CTNNA2: variants seen among roughly 807,000 people sequenced by gnomAD.
The protein encoded by CTNNA2 is catenin alpha 2.
In CTNNA2, 42 loss-of-function variants were observed where a neutral mutation model predicts 101.0. That is an observed-to-expected ratio of 0.42 (90% CI 0.32 to 0.54). The LOEUF (loss-of-function observed/expected upper bound fraction) is 0.54. Among genes scored for constraint, CTNNA2 ranks in the 20% least tolerant of loss-of-function variants. The pLI is 0.14. For synonymous variants in CTNNA2, 450 were observed against 456.4 expected (o/e 0.99, Z 0.18); for missense variants, 871 against 1,223.1 (o/e 0.71, Z 4.29).
chr2:79,943,979 G>A (rs1295559014), intron 7 of CTNNA2, among the ~76,000 whole-genome samples: 2 of 152,104 alleles, frequency 1.3e-5, no homozygotes, highest in East Asian at 3.9e-4. Context: ...TTGAGAATGA[G>A]TTCACCCATT....
intron 1 of CTNNA2, among the ~76,000 whole-genome samples, chr2:79,627,869 T>C (rs919559893): frequency 8.5e-5 from 13 of 152,184 alleles, no homozygotes; most frequent in African/African-American, 2.7e-4. Flanking sequence ...AAAGTATACT[T>C]TTCAAAACAG....
At chr2:80,569,867 CTCCTGACCTCGTGA>C (rs1430990619) in intron 12 of CTNNA2, among the ~76,000 whole-genome samples, 2 of 151,716 alleles carry the variant, frequency 1.3e-5, no homozygotes, top group Admixed American at 6.6e-5. Context: ...TGGTCTCGAT[CTCCTGACCTCGTGA>C]TCCACCCTCC....
chr2:80,622,616 A>G (rs1671244580), intron 18 of CTNNA2, among the ~76,000 whole-genome samples: 1 of 151,886 alleles, frequency 6.6e-6, no homozygotes, highest in Admixed American at 6.6e-5. Flanking sequence ...GGAATAGGTT[A>G]TTGATTTGGG....
At chr2:79,929,522 C>G (rs1687245532) in intron 7 of CTNNA2, among the ~76,000 whole-genome samples, 1 of 152,232 alleles carries the variant, frequency 6.6e-6, no homozygotes, top group African/African-American at 2.4e-5. Context: ...AGTTCTCTCT[C>G]ACTGGATTGT....
chr2:79,411,860 A>G (rs1678415801), intron 4 of CTNNA2, among the ~76,000 whole-genome samples: 1 of 152,130 alleles, frequency 6.6e-6, no homozygotes, highest in Non-Finnish European at 1.5e-5. Flanking sequence ...TAACCAGCTA[A>G]CATCATAATG....
chr2:79,619,270 T>G (rs1374343398), intron 1 of CTNNA2, among the ~76,000 whole-genome samples: 1 of 152,142 alleles, frequency 6.6e-6, no homozygotes, highest in African/African-American at 2.4e-5. Flanking sequence ...TATTCTATCC[T>G]TATGTGGTGG....
At chr2:80,086,516 T>A (rs1273877350) in intron 7 of CTNNA2, among the ~76,000 whole-genome samples, 1 of 151,992 alleles carries the variant, frequency 6.6e-6, no homozygotes, top group Non-Finnish European at 1.5e-5. Context: ...ATATGTGGAA[T>A]CAAAATTTGG....
chr2:79,914,261 A>C (rs1686029411), intron 7 of CTNNA2, among the ~76,000 whole-genome samples: 1 of 151,686 alleles, frequency 6.6e-6, no homozygotes. Context: ...GTTAAGTAGA[A>C]AAATTTTGTT....
At chr2:79,364,681 A>G (rs999850646) in intron 3 of CTNNA2, among the ~76,000 whole-genome samples, 5 of 152,162 alleles carry the variant, frequency 3.3e-5, no homozygotes, top group African/African-American at 9.7e-5. Flanking sequence ...AATCTTATCT[A>G]GGCTTCACTG....
chr2:79,370,640 T>C (rs568584870), intron 3 of CTNNA2, among the ~76,000 whole-genome samples: 35 of 152,284 alleles, frequency 2.3e-4, no homozygotes, highest in South Asian at 1.2e-3. Context: ...TTTTTTTTTT[T>C]CTGAGGCATA....
At chr2:80,510,458 A>G (rs1187595283) in intron 9 of CTNNA2, among the ~76,000 whole-genome samples, 1 of 152,208 alleles carries the variant, frequency 6.6e-6, no homozygotes, top group Non-Finnish European at 1.5e-5. Flanking sequence ...CCTGCCTGTC[A>G]GATTCTAAAT....
intron 18 of CTNNA2, among the ~76,000 whole-genome samples, chr2:80,626,014 T>C (rs1671648490): frequency 6.6e-6 from 1 of 152,086 alleles, no homozygotes; most frequent in African/African-American, 2.4e-5. Context: ...ATTAGTAATT[T>C]ATTGTAAAAA....
intron 1 of CTNNA2, among the ~76,000 whole-genome samples, chr2:79,564,854 G>C (rs1271688697): frequency 6.6e-6 from 1 of 151,984 alleles, no homozygotes. Context: ...GTGCTATTAA[G>C]AGCTATTAGC....
chr2:80,365,031 T>C (rs1674788997), intron 7 of CTNNA2, among the ~76,000 whole-genome samples: 2 of 152,160 alleles, frequency 1.3e-5, no homozygotes, highest in African/African-American at 2.4e-5. Context: ...GGGTTTGGCC[T>C]TCATGTAACA....
chr2:79,948,653 T>C (rs1224253986), intron 7 of CTNNA2, among the ~76,000 whole-genome samples: 1 of 152,216 alleles, frequency 6.6e-6, no homozygotes, highest in African/African-American at 2.4e-5. Context: ...CAGGAAAATA[T>C]TAATGACTGT....
At chr2:79,641,929 A>T (rs2104422615) in intron 1 of CTNNA2, among the ~76,000 whole-genome samples, 1 of 152,290 alleles carries the variant, frequency 6.6e-6, no homozygotes, top group African/African-American at 2.4e-5. Context: ...CATTTCAGTG[A>T]GATATGGACA....
chr2:80,511,877 G>C (rs772449318), intron 9 of CTNNA2, among the ~76,000 whole-genome samples: 4 of 152,078 alleles, frequency 2.6e-5, no homozygotes, highest in Non-Finnish European at 5.9e-5. Context: ...AGGGCCAGGC[G>C]TGGTGGCTTA....
At chr2:79,736,283 A>G (rs952202283) in intron 2 of CTNNA2, among the ~76,000 whole-genome samples, 8 of 152,198 alleles carry the variant, frequency 5.3e-5, no homozygotes, top group Middle Eastern at 3.2e-3. Flanking sequence ...GTAAGCGTAT[A>G]TCTTTTTATA....
At chr2:80,635,602 G>T (rs1297418264) in intron 18 of CTNNA2, among the ~76,000 whole-genome samples, 1 of 152,136 alleles carries the variant, frequency 6.6e-6, no homozygotes, top group Admixed American at 6.6e-5. Context: ...AATTATATTA[G>T]AGGTAGAAGT....
Sources: allele counts gnomAD v4.1 joint callset (sites outside exome capture counted in the v4.1 genomes callset), GRCh38; gene constraint gnomAD v4.1.1; transcripts MANE v1.5; gene names NCBI Gene and HGNC (gene_info 2026-07-23, HGNC 2026-07-21).